The following RAB6B variants were observed in gnomAD, a reference collection of about 807,000 sequenced individuals.
The protein encoded by RAB6B is ras-related protein Rab-6B.
Under a neutral mutation model 31.2 loss-of-function variants are expected in RAB6B, and 7 were observed. The observed-to-expected ratio is 0.22, with a 90% CI of 0.13 to 0.42. RAB6B has a LOEUF of 0.42. RAB6B is among the 10% of genes least tolerant of loss of function. The pLI, the probability that RAB6B is intolerant of heterozygous loss-of-function variation, is 1.00. For missense variants in RAB6B, 149 were observed against 280.6 expected, an observed-to-expected ratio of 0.53 and a Z score of 3.35; for synonymous variants, 105 against 104.9, an observed-to-expected ratio of 1.00 and a Z score of -0.01.
At chr3:133,867,655 C>T (rs2108005491) in intron 1 of RAB6B, among the ~76,000 whole-genome samples, 1 of 152,296 alleles carries the variant, frequency 6.6e-6, no homozygotes, top group South Asian at 2.1e-4. Context: ...CAGGCCAAGT[C>T]TGGAATTGGG....
At chr3:133,835,500 GTGTT>G (rs1221123846) in intron 6 of RAB6B, among the ~76,000 whole-genome samples, 4 of 142,578 alleles carry the variant, frequency 2.8e-5, no homozygotes, top group Non-Finnish European at 6.1e-5. Context: ...GTGTGTGTGT[GTGTT>G]TGGGCAGGTG....
At position 133,862,684 on chromosome 3, in the gene RAB6B, T is replaced by C. The variant is rs562761620; in HGVS notation, c.129+1900A>G. 3.7e-3 allele frequency among the ~76,000 whole-genome samples: 564 copies of C among 152,106 alleles called. 5 individuals are homozygous for C. The highest frequency in any genetic ancestry group is 4.5e-3 in the Non-Finnish European group (308 of 67,984). Reference sequence around the variant, plus strand: ...GGACCACAGGATGGGGGACAAGCAGTAGGCAATGGGAGACGACGCTGAACA... The same window carrying C: ...GGACCACAGGATGGGGGACAAGCAGCAGGCAATGGGAGACGACGCTGAACA... On this transcript the variant is annotated intron_variant, in intron 2 of 7. Transcript: ENST00000285208.
chr3:133,870,334 C>A (rs62269104), intron 1 of RAB6B, among the ~76,000 whole-genome samples: 15,374 of 152,236 alleles, frequency 0.1, 1,499 homozygotes, highest in African/African-American at 0.26. Flanking sequence ...ATCACCTCCA[C>A]CTGGTCCTGT....
In RAB6B at chr3:133,824,768, G is replaced by A. The variant is rs1935530173; in HGVS notation, c.*4020C>T. ...TCACTCATATGCTGGGAAGAACCTAGTGTCCTAACCAAAAAGAGTAGAGAT... is the reference window on the plus strand; with the variant it reads ...TCACTCATATGCTGGGAAGAACCTAATGTCCTAACCAAAAAGAGTAGAGAT... On this transcript the variant is annotated 3_prime_UTR_variant, in exon 8 of 8. Coordinates refer to ENST00000285208, the MANE Select transcript of RAB6B (RefSeq NM_016577.4). The A allele has an allele frequency of 6.6e-6, 1 of 152,154 alleles. No homozygotes were observed. Among genetic ancestry groups the A allele is most frequent in the South Asian group, 2.1e-4 (1 of 4,828 alleles). The allele number at this position is 152,154 out of a possible 1,614,324, so 9.4% of individuals were successfully genotyped here. A position where few individuals can be genotyped will look rare whatever the true frequency, so the allele number is the denominator to read the frequency against.
intron 7 of RAB6B, among the ~76,000 whole-genome samples, chr3:133,830,481 C>T (rs1576390987): frequency 6.6e-6 from 1 of 152,202 alleles, no homozygotes; most frequent in Non-Finnish European, 1.5e-5. Context: ...TAAACACGTC[C>T]TATGCTTTCC....
At chr3:133,830,893 T>G (rs1935646954) in intron 7 of RAB6B, among the ~76,000 whole-genome samples, 1 of 152,086 alleles carries the variant, frequency 6.6e-6, no homozygotes, top group South Asian at 2.1e-4. Flanking sequence ...CCACTATCTA[T>G]GAGATGCCAG....
chr3:133,885,467 C>G (rs948231098), intron 1 of RAB6B: 1 of 701,094 alleles, frequency 1.4e-6, no homozygotes, highest in Non-Finnish European at 2.6e-6. Context: ...AGAGGACTTA[C>G]ACACCCAATG....
chr3:133,864,626 C>A lies in RAB6B; in HGVS notation c.87G>T (p.Leu29=), dbSNP rs1341388429. Residue 29 remains leucine, a synonymous_variant, in exon 2 of 8, where the codon CTG becomes CTT. Coordinates refer to ENST00000285208, the MANE Select transcript of RAB6B (RefSeq NM_016577.4). ...LGEQSVGKTS[L]ITRFMYDSFD... ...AGCTGTCGTACATGAACCTCGTAAT[C>A]AGAGACGTCTTCCCGACTGCAAAAC... 1 of 1,614,196 alleles carries A rather than the reference C, an allele frequency of 6.2e-7. No homozygotes were observed. Among genetic ancestry groups the A allele is most frequent in the South Asian group, 1.1e-5 (1 of 91,084 alleles).
chr3:133,886,904 T>C (rs1393762622), intron 1 of RAB6B, among the ~76,000 whole-genome samples: 2 of 152,164 alleles, frequency 1.3e-5, no homozygotes, highest in South Asian at 4.1e-4. Flanking sequence ...ATCAACTTCC[T>C]GCACAGGTGA....
At chr3:133,835,472 CTGTG>C (rs3840183) in intron 6 of RAB6B, among the ~76,000 whole-genome samples, 40,963 of 146,440 alleles carry the variant, frequency 0.28, 5,999 homozygotes, top group South Asian at 0.46. Context: ...TGTGGGTTTT[CTGTG>C]TGTGTGTGTG....
intron 4 of RAB6B, among the ~76,000 whole-genome samples, chr3:133,840,011 C>T (rs755442928): frequency 5.3e-5 from 8 of 152,096 alleles, no homozygotes; most frequent in Admixed American, 1.3e-4. Flanking sequence ...CACACATGCG[C>T]GCGCGACTTG....
At chr3:133,884,318 G>A (rs993174820) in intron 1 of RAB6B, among the ~76,000 whole-genome samples, 2 of 152,238 alleles carry the variant, frequency 1.3e-5, no homozygotes, top group Non-Finnish European at 2.9e-5. Context: ...GCAGGGGGGT[G>A]CACCAATTGA....
At chr3:133,852,150 C>T (rs1935996257) in intron 2 of RAB6B, among the ~76,000 whole-genome samples, 1 of 152,340 alleles carries the variant, frequency 6.6e-6, no homozygotes, top group Non-Finnish European at 1.5e-5. Context: ...TCCTGGGATT[C>T]CCGGGGCTGC....
At chr3:133,834,538 T>C (rs752543392) in intron 7 of RAB6B, 37 bp downstream of exon 7, 1 of 1,573,636 alleles carries the variant, frequency 6.4e-7, no homozygotes, top group Non-Finnish European at 8.7e-7. Context: ...ATGGCTTCTA[T>C]ACATCTTTTC....
intron 2 of RAB6B, among the ~76,000 whole-genome samples, chr3:133,842,176 G>A (rs1193048371): frequency 6.6e-6 from 1 of 152,220 alleles, no homozygotes; most frequent in Non-Finnish European, 1.5e-5. Flanking sequence ...TTTCTCAGGT[G>A]CGGGCACTGC....
Position 133,827,963 on chromosome 3 carries a change from G to A in RAB6B, c.*825C>T, listed in dbSNP as rs1251524748. 1.8e-5 allele frequency: 13 copies of A among 702,876 alleles called. No individual in the cohort carries two copies. Among genetic ancestry groups the A allele is most frequent in the South Asian group, 1.2e-4 (8 of 67,584 alleles). The allele number at this position is 702,876 out of a possible 1,614,324, so 43.5% of individuals were successfully genotyped here. A position where few individuals can be genotyped will look rare whatever the true frequency, so the allele number is the denominator to read the frequency against. On this transcript the variant is annotated 3_prime_UTR_variant, in exon 8 of 8. Coordinates refer to ENST00000285208, the MANE Select transcript of RAB6B (RefSeq NM_016577.4). Reference sequence around the variant, plus strand: ...CCCCAGTCTATAAACCACGCACCACGCAGCTGCAATTGCCAACAGCACCTC... The same window carrying A: ...CCCCAGTCTATAAACCACGCACCACACAGCTGCAATTGCCAACAGCACCTC...
chr3:133,889,407 TA>T lies in RAB6B; in HGVS notation c.70+5989del, dbSNP rs1936601100. On this transcript the variant is annotated intron_variant, in intron 1 of 7. Transcript: ENST00000285208. The stretch of plus-strand genomic sequence containing the variant: ...ATTTTGTTATATATATATATATATA[TA>T]TATATATATATATATATATATATAT... 3.9e-4 allele frequency among the ~76,000 whole-genome samples: 16 copies of T among 41,074 alleles called. 2 individuals are homozygous for T. The highest frequency in any genetic ancestry group is 2.4e-3 in the African/African-American group (15 of 6,342). 26.9% of individuals were successfully genotyped at this position (41,074 alleles called of 152,430 possible). A position where few individuals can be genotyped will look rare whatever the true frequency, so the allele number is the denominator to read the frequency against.
intron 1 of RAB6B, among the ~76,000 whole-genome samples, chr3:133,881,387 C>T (rs1453105058): frequency 6.6e-6 from 1 of 152,222 alleles, no homozygotes; most frequent in East Asian, 1.9e-4. Flanking sequence ...GGCTTGACCT[C>T]AGAGACTGCT....
At chr3:133,887,339 G>C (rs1936562953) in intron 1 of RAB6B, among the ~76,000 whole-genome samples, 1 of 152,184 alleles carries the variant, frequency 6.6e-6, no homozygotes, top group African/African-American at 2.4e-5. Flanking sequence ...CCCCCACATT[G>C]TGCCCCCAGG....
Sources: allele counts gnomAD v4.1 joint callset (sites outside exome capture counted in the v4.1 genomes callset), GRCh38; gene constraint gnomAD v4.1.1; transcripts MANE v1.5; gene names NCBI Gene and HGNC (gene_info 2026-07-23, HGNC 2026-07-21).